KCNJ3: variants seen among roughly 807,000 people sequenced by gnomAD.
KCNJ3 encodes G protein-activated inward rectifier potassium channel 1.
KCNJ3 carries 4 observed loss-of-function variants against 39.2 expected under a neutral mutation model. That is an observed-to-expected ratio of 0.10 (90% CI 0.05 to 0.23). The LOEUF (loss-of-function observed/expected upper bound fraction) is 0.23. Among genes scored for constraint, KCNJ3 ranks in the 10% least tolerant of loss-of-function variants. KCNJ3 has a pLI of 1.00. For synonymous variants in KCNJ3, 230 were observed against 237.4 expected (o/e 0.97, Z 0.29); for missense variants, 276 against 634.9 (o/e 0.43, Z 6.08).
At chr2:154,783,916 T>C (rs560179654) in intron 2 of KCNJ3, among the ~76,000 whole-genome samples, 3 of 152,320 alleles carry the variant, frequency 2.0e-5, no homozygotes, top group Admixed American at 6.5e-5. Context: ...GCAAAAATAA[T>C]TTCCTGAACA....
At chr2:154,785,396 C>CTATG (rs1373754979) in intron 2 of KCNJ3, among the ~76,000 whole-genome samples, 2 of 152,108 alleles carry the variant, frequency 1.3e-5, no homozygotes, top group African/African-American at 4.8e-5. Context: ...TGCACATGTG[C>CTATG]TATGGTTTGC....
chr2:154,814,484 A>G (rs1687049940), intron 2 of KCNJ3, among the ~76,000 whole-genome samples: 1 of 152,142 alleles, frequency 6.6e-6, no homozygotes, highest in African/African-American at 2.4e-5. Flanking sequence ...CTAAAAATAC[A>G]AAATTACCCT....
In KCNJ3 at chr2:154,802,466, T is replaced by A. The variant is rs1425191745; in HGVS notation, c.920-52261T>A. Among the ~76,000 whole-genome samples, 5 of 152,270 alleles carry A rather than the reference T, an allele frequency of 3.3e-5. No homozygotes were observed. The East Asian group carries it at 9.7e-4, about 29-fold the overall frequency. The stretch of plus-strand genomic sequence containing the variant: ...TTTTTACAGCTGTATATTTTCATAG[T>A]GTTTTTGAATAAATAGCGAGCCACG... On this transcript the variant is annotated intron_variant, in intron 2 of 2. Transcript: ENST00000295101.
At chr2:154,835,924 T>G (rs1687451320) in intron 2 of KCNJ3, among the ~76,000 whole-genome samples, 1 of 152,120 alleles carries the variant, frequency 6.6e-6, no homozygotes, top group Non-Finnish European at 1.5e-5. Context: ...AACAGAATGC[T>G]TATAGACAGA....
At position 154,726,836 on chromosome 2, in the gene KCNJ3, T is replaced by C. The variant is rs200801635; in HGVS notation, c.919+17017T>C. ...ACACACACACACACACACACACACA[T>C]ACACCATGGAATACTACTCAGCCAA... On this transcript the variant is annotated intron_variant, in intron 2 of 2. Transcript: ENST00000295101. Among the ~76,000 whole-genome samples, 411 of 87,662 alleles carry C rather than the reference T, an allele frequency of 4.7e-3. 1 individual carries two copies. Among genetic ancestry groups the C allele is most frequent in the African/African-American group, 0.011 (225 of 19,624 alleles). The allele number at this position is 87,662 out of a possible 152,430, so 57.5% of individuals were successfully genotyped here. A position where few individuals can be genotyped will look rare whatever the true frequency, so the allele number is the denominator to read the frequency against.
intron 2 of KCNJ3, among the ~76,000 whole-genome samples, chr2:154,808,212 G>C (rs914100922): frequency 6.6e-6 from 1 of 151,600 alleles, no homozygotes; most frequent in Non-Finnish European, 1.5e-5. Context: ...CTCCTAAGTA[G>C]CTGGGACTAC....
rs376778775 is a variant in KCNJ3 at position 154,753,167 on chromosome 2, C to T, written c.919+43348C>T. Among the ~76,000 whole-genome samples, 443 of 152,060 alleles carry T rather than the reference C, an allele frequency of 2.9e-3. 3 individuals carry two copies. The highest frequency in any genetic ancestry group is 0.01 in the African/African-American group (420 of 41,516). On this transcript the variant is annotated intron_variant, in intron 2 of 2. Coordinates refer to ENST00000295101, the MANE Select transcript of KCNJ3 (RefSeq NM_002239.4). ...CAGTGATTAAAATATTTCATTGTAACGGATTGCTAAAACTATAATTATAAA... is the reference window on the plus strand; with the variant it reads ...CAGTGATTAAAATATTTCATTGTAATGGATTGCTAAAACTATAATTATAAA...
intron 2 of KCNJ3, among the ~76,000 whole-genome samples, chr2:154,791,985 G>C (rs147429689): frequency 1.7e-4 from 26 of 152,202 alleles, no homozygotes; most frequent in African/African-American, 5.5e-4. Context: ...GTAAAAGTGG[G>C]TGTTTTGTCT....
chr2:154,780,224 A>G (rs938658118), intron 2 of KCNJ3, among the ~76,000 whole-genome samples: 3 of 152,176 alleles, frequency 2.0e-5, no homozygotes, highest in African/African-American at 7.2e-5. Flanking sequence ...CATTCTGGTT[A>G]TAATAAGTGT....
chr2:154,847,635 T>C (rs996819796), intron 2 of KCNJ3, among the ~76,000 whole-genome samples: 1 of 152,070 alleles, frequency 6.6e-6, no homozygotes, highest in Non-Finnish European at 1.5e-5. Flanking sequence ...TGTAGTCATA[T>C]AGCCTGTTAT....
intron 2 of KCNJ3, among the ~76,000 whole-genome samples, chr2:154,819,676 G>T (rs917464728): frequency 2.0e-5 from 3 of 151,698 alleles, no homozygotes; most frequent in African/African-American, 7.3e-5. Context: ...GACTACAGGT[G>T]TGCACCACCA....
At position 154,792,529 on chromosome 2, in the gene KCNJ3, T is replaced by G. The variant is rs552818893; in HGVS notation, c.920-62198T>G. Reference sequence around the variant, plus strand: ...GTTAGTTTATACAGTTGTTGCAGTGTGAATTGTCCTGCTACTAAGTCCCCT... The same window carrying G: ...GTTAGTTTATACAGTTGTTGCAGTGGGAATTGTCCTGCTACTAAGTCCCCT... On this transcript the variant is annotated intron_variant, in intron 2 of 2. Transcript: ENST00000295101. Among the ~76,000 whole-genome samples the G allele has an allele frequency of 5.3e-5, 8 of 152,224 alleles. No individual in the cohort carries two copies. In the South Asian group the frequency reaches 1.7e-3, roughly 32 times the overall value.
At chr2:154,828,235 A>G (rs1687302753) in intron 2 of KCNJ3, among the ~76,000 whole-genome samples, 1 of 152,216 alleles carries the variant, frequency 6.6e-6, no homozygotes, top group Non-Finnish European at 1.5e-5. Flanking sequence ...TTCACTGATG[A>G]GAGCCATCAT....
At chr2:154,759,016 C>A (rs1330135480) in intron 2 of KCNJ3, among the ~76,000 whole-genome samples, 33 of 152,112 alleles carry the variant, frequency 2.2e-4, no homozygotes, top group Non-Finnish European at 3.2e-4. Flanking sequence ...AACAGAAAAA[C>A]AAGTTTCATA....
chr2:154,698,746 G>C lies in KCNJ3; in HGVS notation c.-30G>C, dbSNP rs1281527954. 2 of 1,494,852 alleles carry C rather than the reference G, an allele frequency of 1.3e-6. No homozygotes were observed. Among genetic ancestry groups the C allele is most frequent in the African/African-American group, 2.9e-5 (2 of 69,866 alleles). The allele number at this position is 1,494,852 out of a possible 1,614,324, so 92.6% of individuals were successfully genotyped here. On this transcript the variant is annotated 5_prime_UTR_variant, in exon 1 of 3. Transcript: ENST00000295101. Reference sequence around the variant, plus strand: ...CGCCCAGCTCCTGCGCCTTCGCTTCGCGTTTGAATCTGGCTCGCCCCTTCG... The same window carrying C: ...CGCCCAGCTCCTGCGCCTTCGCTTCCCGTTTGAATCTGGCTCGCCCCTTCG...
chr2:154,819,762 C>A (rs1687139721), intron 2 of KCNJ3, among the ~76,000 whole-genome samples: 1 of 151,990 alleles, frequency 6.6e-6, no homozygotes, highest in Non-Finnish European at 1.5e-5. Flanking sequence ...ATCTCTTGAC[C>A]TCGTGATCTA....
At position 154,802,284 on chromosome 2, in the gene KCNJ3, G is replaced by A. The variant is rs533486260; in HGVS notation, c.920-52443G>A. 3.3e-5 allele frequency among the ~76,000 whole-genome samples: 5 copies of A among 151,340 alleles called. No individual in the cohort carries two copies. The South Asian group carries it at 1.1e-3, about 32-fold the overall frequency. On this transcript the variant is annotated intron_variant, in intron 2 of 2. Transcript: ENST00000295101. ...ACAGTGACATAAAATGTGCTGTAAT[G>A]TTCCATAGATGGGAACATAGGTGTG... is the stretch of plus-strand genomic sequence containing the variant.
At chr2:154,782,540 A>T (rs199983020) in intron 2 of KCNJ3, among the ~76,000 whole-genome samples, 1 of 72,458 alleles carries the variant, frequency 1.4e-5, no homozygotes, top group African/African-American at 4.7e-5. Context: ...ACACACACAC[A>T]TACACGCAGG....
intron 2 of KCNJ3, among the ~76,000 whole-genome samples, chr2:154,740,342 A>G (rs1271293696): frequency 2.0e-5 from 3 of 152,082 alleles, no homozygotes. Context: ...AGTAGAGTAC[A>G]GATTTTACCT....
Sources: allele counts gnomAD v4.1 joint callset (sites outside exome capture counted in the v4.1 genomes callset), GRCh38; gene constraint gnomAD v4.1.1; transcripts MANE v1.5; gene names NCBI Gene and HGNC (gene_info 2026-07-23, HGNC 2026-07-21).